ASTN2: variants seen among roughly 807,000 people sequenced by gnomAD.
ASTN2 encodes astrotactin 2, also known as astrotactin-2.
ASTN2 carries 54 observed loss-of-function variants against 139.8 expected under a neutral mutation model. That is an observed-to-expected ratio of 0.39 (90% CI 0.31 to 0.48). The LOEUF (loss-of-function observed/expected upper bound fraction) is 0.48. Ranked by LOEUF, ASTN2 falls within the 20% of genes least tolerant of loss-of-function variation. The pLI is 0.95. For synonymous variants in ASTN2, 756 were observed against 719.5 expected, an observed-to-expected ratio of 1.05 and a Z score of -0.81; for missense variants, 1,565 against 1,725.1, an observed-to-expected ratio of 0.91 and a Z score of 1.64.
At chr9:116,737,639 G>GTGTGTT (rs1828974187) in intron 13 of ASTN2, among the ~76,000 whole-genome samples, 1 of 149,348 alleles carries the variant, frequency 6.7e-6, no homozygotes, top group South Asian at 2.1e-4. Flanking sequence ...GTGTGTGTGT[G>GTGTGTT]TGTGTGTGTA....
At chr9:117,057,961 C>T (rs191576044) in intron 5 of ASTN2, among the ~76,000 whole-genome samples, 194 of 152,270 alleles carry the variant, frequency 1.3e-3, no homozygotes, top group African/African-American at 4.4e-3. Flanking sequence ...ACCTCTCTTT[C>T]TTCATAAAGG....
chr9:116,489,299 T>C (rs1849436562), intron 19 of ASTN2, among the ~76,000 whole-genome samples: 1 of 152,034 alleles, frequency 6.6e-6, no homozygotes, highest in Admixed American at 6.6e-5. Flanking sequence ...CAAAGAAAAG[T>C]TTCATTCTTT....
intron 19 of ASTN2, among the ~76,000 whole-genome samples, chr9:116,574,353 G>A (rs1465337559): frequency 6.6e-6 from 1 of 152,160 alleles, no homozygotes; most frequent in African/African-American, 2.4e-5. Context: ...TTGGCTACAG[G>A]AATCACTTTT....
chr9:117,272,750 C>T (rs528819492), intron 2 of ASTN2, among the ~76,000 whole-genome samples: 1 of 152,290 alleles, frequency 6.6e-6, no homozygotes, highest in Non-Finnish European at 1.5e-5. Flanking sequence ...CAAGAGTCAC[C>T]TTTGCACCAG....
chr9:116,686,358 A>G (rs1024763491), intron 16 of ASTN2, among the ~76,000 whole-genome samples: 1 of 152,238 alleles, frequency 6.6e-6, no homozygotes, highest in Non-Finnish European at 1.5e-5. Flanking sequence ...GTAGCCAGAC[A>G]GCAAGTGTTC....
At chr9:116,939,510 A>G (rs16934070) in intron 10 of ASTN2, among the ~76,000 whole-genome samples, 4,709 of 152,194 alleles carry the variant, frequency 0.031, 279 homozygotes, top group African/African-American at 0.11. Flanking sequence ...CTTCGTGTCT[A>G]CCAAAGGGCT....
At chr9:116,657,429 A>G (rs1858284920) in intron 16 of ASTN2, among the ~76,000 whole-genome samples, 1 of 152,222 alleles carries the variant, frequency 6.6e-6, no homozygotes, top group African/African-American at 2.4e-5. Flanking sequence ...TTCTGTTCAG[A>G]CACCAAGGCC....
At chr9:116,905,829 A>G (rs1338794620) in intron 10 of ASTN2, among the ~76,000 whole-genome samples, 1 of 120,138 alleles carries the variant, frequency 8.3e-6, no homozygotes, top group South Asian at 2.8e-4. Flanking sequence ...ATACACAGGG[A>G]AGCACAGCAG....
At chr9:117,281,195 A>G (rs538683360) in intron 2 of ASTN2, among the ~76,000 whole-genome samples, 1 of 152,322 alleles carries the variant, frequency 6.6e-6, no homozygotes, top group East Asian at 1.9e-4. Context: ...CACCTTGCTG[A>G]TGCTTCATGA....
chr9:116,863,783 A>G, intron 10 of ASTN2, 50 bp from the exon 11 acceptor site: 1 of 1,519,862 alleles, frequency 6.6e-7, no homozygotes, highest in Non-Finnish European at 8.9e-7. Flanking sequence ...GGATCCTTAG[A>G]TTAAAAAAAT....
At chr9:116,793,302 G>A (rs1349149624) in intron 13 of ASTN2, among the ~76,000 whole-genome samples, 1 of 152,140 alleles carries the variant, frequency 6.6e-6, no homozygotes, top group Non-Finnish European at 1.5e-5. Context: ...ATGAATAAAG[G>A]AGTGGTTAAT....
At chr9:117,106,775 T>C (rs1042104091) in intron 4 of ASTN2, among the ~76,000 whole-genome samples, 1 of 151,226 alleles carries the variant, frequency 6.6e-6, no homozygotes, top group Non-Finnish European at 1.5e-5. Context: ...AAAAAATATC[T>C]ATCTATCTAT....
intron 10 of ASTN2, among the ~76,000 whole-genome samples, chr9:116,900,937 A>G (rs1471142994): frequency 6.6e-6 from 1 of 152,184 alleles, no homozygotes; most frequent in Non-Finnish European, 1.5e-5. Flanking sequence ...GTTTTACCAT[A>G]TCCAAGAATT....
chr9:117,093,809 C>G (rs1322345911), intron 5 of ASTN2, among the ~76,000 whole-genome samples: 1 of 152,180 alleles, frequency 6.6e-6, no homozygotes, highest in Admixed American at 6.5e-5. Flanking sequence ...CTAACAACAT[C>G]AAACACAGTA....
At chr9:117,302,526 G>T (rs952261423) in intron 1 of ASTN2, among the ~76,000 whole-genome samples, 1 of 151,964 alleles carries the variant, frequency 6.6e-6, no homozygotes, top group Admixed American at 6.6e-5. Flanking sequence ...ATAATGCCAG[G>T]GCCCCTTCCA....
rs576997051 is a variant in ASTN2, at chr9:116,535,118, G to A, written c.3356-47618C>T. Among the ~76,000 whole-genome samples, 25 of 152,208 alleles carry A rather than the reference G, an allele frequency of 1.6e-4. No homozygotes were observed. In the East Asian group the frequency reaches 4.2e-3, roughly 26 times the overall value. On this transcript the variant is annotated intron_variant, in intron 19 of 22. Transcript: ENST00000313400. Reference sequence around the variant, plus strand: ...TTGGTCCCTTTACCATTATGTAATGGCCTTCTTTGTCTCTTTTGATCTTTA... The same window carrying A: ...TTGGTCCCTTTACCATTATGTAATGACCTTCTTTGTCTCTTTTGATCTTTA...
chr9:116,566,538 G>C (rs1186328340), intron 19 of ASTN2, among the ~76,000 whole-genome samples: 1 of 152,196 alleles, frequency 6.6e-6, no homozygotes, highest in Non-Finnish European at 1.5e-5. Context: ...TAGGTGCTTA[G>C]AAAATATTTC....
chr9:117,012,000 A>C (rs1470176145), intron 6 of ASTN2, among the ~76,000 whole-genome samples: 1 of 152,100 alleles, frequency 6.6e-6, no homozygotes, highest in Non-Finnish European at 1.5e-5. Context: ...ATAGACCGTG[A>C]TTTCCTACAG....
chr9:117,288,815 G>C (rs1355262978), intron 2 of ASTN2, among the ~76,000 whole-genome samples: 1 of 152,176 alleles, frequency 6.6e-6, no homozygotes. Flanking sequence ...GCCTGTCCCA[G>C]ACCTCAGTAT....
Sources: allele counts gnomAD v4.1 joint callset (sites outside exome capture counted in the v4.1 genomes callset), GRCh38; gene constraint gnomAD v4.1.1; transcripts MANE v1.5; gene names NCBI Gene and HGNC (gene_info 2026-07-23, HGNC 2026-07-21).